NLRC3: variants seen among roughly 807,000 people sequenced by gnomAD.
NLRC3 encodes the protein NLR family CARD domain containing 3.
NLRC3 carries 87 observed loss-of-function variants against 91.6 expected under a neutral mutation model. The observed-to-expected ratio is 0.95, with a 90% CI of 0.80 to 1.14. NLRC3 has a LOEUF of 1.14. Ranked by LOEUF, NLRC3 falls within the 50% of genes most tolerant of loss-of-function variation. NLRC3 has a pLI of 0.00. For synonymous variants in NLRC3, 694 were observed against 625.3 expected, an observed-to-expected ratio of 1.11 and a Z score of -1.64; for missense variants, 1,577 against 1,418.6, an observed-to-expected ratio of 1.11 and a Z score of -1.79.
chr16:3,571,677 C>A (rs1157987659), intron 1 of NLRC3, among the ~76,000 whole-genome samples: 1 of 151,814 alleles, frequency 6.6e-6, no homozygotes, highest in Non-Finnish European at 1.5e-5. Flanking sequence ...CGTGGTGGCT[C>A]ACGCCTGTAA....
intron 1 of NLRC3, among the ~76,000 whole-genome samples, chr16:3,574,749 G>A (rs2040223668): frequency 6.6e-6 from 1 of 152,098 alleles, no homozygotes; most frequent in South Asian, 2.1e-4. Flanking sequence ...TCACCTTGAG[G>A]TCAGGAGTTC....
At chr16:3,554,107 A>G (rs1207671124) in intron 9 of NLRC3, 135 bp downstream of exon 9, 4 of 637,940 alleles carry the variant, frequency 6.3e-6, no homozygotes, top group Non-Finnish European at 1.1e-5. Context: ...AATGGGCATC[A>G]GGGGCCATCC....
intron 1 of NLRC3, among the ~76,000 whole-genome samples, chr16:3,568,843 C>T (rs1002572867): frequency 6.6e-5 from 10 of 152,094 alleles, no homozygotes; most frequent in Admixed American, 1.3e-4. Context: ...TTTCTCATCT[C>T]GGTCTTGCCA....
chr16:3,548,807 G>A (rs949415174), intron 13 of NLRC3, 54 bp from the exon 14 acceptor site: 66 of 1,256,026 alleles, frequency 5.3e-5, no homozygotes, highest in Non-Finnish European at 6.5e-5. Context: ...TGAAGCCTCC[G>A]GTCCTTGGTC....
At position 3,556,922 on chromosome 16, in the gene NLRC3, C is replaced by G. The variant is rs1266725263; in HGVS notation, c.2172G>C (p.Leu724=). The part of the protein sequence containing the change: ...LADALKINRT[L]TSLSLQGNTV... ...CAGGTGACACACACCTCAGGGAGGT[C>G]AGGGTGCGGTTGATCTTCAAAGCGT... Residue 724 remains leucine, a synonymous_variant, in exon 8 of 20, where the codon CTG becomes CTC. Coordinates refer to ENST00000359128, the MANE Select transcript of NLRC3 (RefSeq NM_178844.4). The G allele has an allele frequency of 1.2e-6, 2 of 1,612,662 alleles. No individual in the cohort carries two copies. The highest frequency in any genetic ancestry group is 2.7e-5 in the African/African-American group (2 of 74,886).
At chr16:3,572,839 C>A (rs1439948966) in intron 1 of NLRC3, among the ~76,000 whole-genome samples, 1 of 151,470 alleles carries the variant, frequency 6.6e-6, no homozygotes, top group African/African-American at 2.4e-5. Flanking sequence ...ATGGTGAAAC[C>A]CCGTCTCTAC....
intron 15 of NLRC3, 66 bp from the exon 16 acceptor site, chr16:3,544,395 G>A (rs1178393394): frequency 3.0e-5 from 34 of 1,144,698 alleles, no homozygotes; most frequent in Non-Finnish European, 4.3e-5. Flanking sequence ...AGGCCCTGCC[G>A]CACTTGGACC....
At chr16:3,565,469 C>CAAAAAAAAAAAAAAA (rs57860901) in intron 2 of NLRC3, 89 bp from the exon 3 acceptor site, 1 of 44,256 alleles carries the variant, frequency 2.3e-5, no homozygotes, top group Non-Finnish European at 4.0e-5. Flanking sequence ...TGGGAAAAAG[C>CAAAAAAAAAAAAAAA]AAAAAAAAAA....
intron 15 of NLRC3, among the ~76,000 whole-genome samples, chr16:3,546,847 C>T (rs143819143): frequency 2.3e-3 from 350 of 152,076 alleles, no homozygotes; most frequent in African/African-American, 8.0e-3. Context: ...GGAAAAGAGA[C>T]GCCAGGCAAG....
At chr16:3,561,859 C>T (rs2039630595) in intron 5 of NLRC3, 71 bp from the exon 6 acceptor site, 2 of 1,053,876 alleles carry the variant, frequency 1.9e-6, no homozygotes, top group Non-Finnish European at 3.0e-6. Context: ...TGGCCCGGGG[C>T]CTCTGCCTCT....
chr16:3,542,933 C>T, intron 17 of NLRC3, 158 bp from the exon 18 acceptor site: 2 of 596,814 alleles, frequency 3.4e-6, no homozygotes, highest in Admixed American at 5.9e-5. Context: ...GGCAACAGGG[C>T]AGAGCTGGCT....
intron 13 of NLRC3, 115 bp from the exon 14 acceptor site, chr16:3,548,868 T>G (rs116156176): frequency 0.01 from 7,486 of 745,024 alleles, 299 homozygotes; most frequent in African/African-American, 0.098. Context: ...CACGAGGGGG[T>G]GCTTCCTGGG....
intron 1 of NLRC3, among the ~76,000 whole-genome samples, chr16:3,572,864 T>G (rs1468361568): frequency 1.3e-5 from 2 of 151,564 alleles, no homozygotes; most frequent in African/African-American, 4.9e-5. Context: ...AATACAAAAA[T>G]TAGCTGGGCA....
chr16:3,555,068 A>G (rs1204318113), intron 8 of NLRC3, among the ~76,000 whole-genome samples: 2 of 152,004 alleles, frequency 1.3e-5, no homozygotes, highest in Admixed American at 1.3e-4. Context: ...CATCTCTACT[A>G]AAAATACAAA....
chr16:3,550,359 C>T (rs2038928135), intron 11 of NLRC3, 55 bp downstream of exon 11: 2 of 1,224,326 alleles, frequency 1.6e-6, no homozygotes, highest in Non-Finnish European at 2.4e-6. Context: ...TGCCGGCCCA[C>T]TATCTACTGG....
intron 1 of NLRC3, among the ~76,000 whole-genome samples, chr16:3,569,783 T>C (rs1217700884): frequency 6.6e-6 from 1 of 152,154 alleles, no homozygotes; most frequent in Non-Finnish European, 1.5e-5. Flanking sequence ...GTTGCAGGCC[T>C]TCTTGTTTTA....
chr16:3,547,771 C>T (rs145966116), intron 15 of NLRC3, among the ~76,000 whole-genome samples: 2 of 152,038 alleles, frequency 1.3e-5, no homozygotes, highest in Non-Finnish European at 2.9e-5. Context: ...TGAGTTTAAG[C>T]GATTCTCCTG....
intron 11 of NLRC3, 126 bp from the exon 12 acceptor site, chr16:3,549,906 C>T: frequency 1.6e-6 from 1 of 624,560 alleles, no homozygotes; most frequent in South Asian, 1.9e-5. Context: ...CAGTGGTGGC[C>T]ACACTGCTTC....
At chr16:3,568,707 A>G (rs1398049009) in intron 1 of NLRC3, among the ~76,000 whole-genome samples, 1 of 152,216 alleles carries the variant, frequency 6.6e-6, no homozygotes, top group Non-Finnish European at 1.5e-5. Flanking sequence ...AGCCTGGGCA[A>G]CAGAGTGAGA....
Sources: gnomAD v4.1 joint callset for allele counts (sites outside exome capture counted in the v4.1 genomes callset) on GRCh38, gnomAD v4.1.1 for gene constraint, MANE v1.5 for transcripts, NCBI Gene and HGNC (gene_info 2026-07-23, HGNC 2026-07-21) for gene names.